Variants in SUN3 observed in about 807,000 individuals in gnomAD.
The protein encoded by SUN3 is Sad1 and UNC84 domain containing 3.
SUN3 carries 36 observed loss-of-function variants against 48.2 expected under a neutral mutation model. The observed-to-expected ratio is 0.75, with a 90% confidence interval of 0.57 to 0.99. SUN3 has a LOEUF of 0.99. SUN3 is among the 50% of genes least tolerant of loss of function. SUN3 has a pLI of 0.00. For missense variants in SUN3, 419 were observed against 433.1 expected, an observed-to-expected ratio of 0.97 and a Z score of 0.29; for synonymous variants, 148 against 147.9, an observed-to-expected ratio of 1.00 and a Z score of 0.00.
chr7:48,025,910 T>G lies in SUN3; in HGVS notation c.151A>C (p.Ser51Arg). The G allele has an allele frequency of 1.2e-6, 2 of 1,603,374 alleles. No homozygotes were observed. Among genetic ancestry groups the G allele is most frequent in the Non-Finnish European group, 8.5e-7 (1 of 1,173,128 alleles). Residue 51 changes from serine to arginine, a missense_variant, in exon 2 of 10, where the codon AGT (serine) becomes CGT (arginine). Coordinates refer to ENST00000297325, the MANE Select transcript of SUN3 (RefSeq NM_001030019.2). ...GVTRSWKIIL[S>R]TMLTLTFLLV... ...AGAAAAGTCAGTGTAAGCATTGTAC[T>G]TAGAATAATCTTCCATGATCGAGTT...
intron 2 of SUN3, among the ~76,000 whole-genome samples, chr7:48,021,768 T>C (rs1790003393): frequency 6.6e-6 from 1 of 152,116 alleles, no homozygotes; most frequent in African/African-American, 2.4e-5. Flanking sequence ...AGATAGGCAA[T>C]AACAAATGCT....
intron 8 of SUN3, chr7:47,991,010 C>T (rs532774048): frequency 1.9e-4 from 87 of 455,530 alleles, no homozygotes; most frequent in South Asian, 1.1e-3. Flanking sequence ...TACTACTTAC[C>T]GCCTGTATAA....
intron 3 of SUN3, 57 bp from the exon 4 acceptor site, chr7:48,009,132 T>G: frequency 1.5e-6 from 2 of 1,292,022 alleles, no homozygotes; most frequent in Non-Finnish European, 2.1e-6. Context: ...AAATAGAGTC[T>G]TTTTTTTTTC....
chr7:48,030,161 C>T (rs749960553), upstream of SUN3, among the ~76,000 whole-genome samples: 2 of 152,132 alleles, frequency 1.3e-5, no homozygotes, highest in Non-Finnish European at 2.9e-5. Flanking sequence ...TCAACTGCTC[C>T]TTCATATTTG....
intron 7 of SUN3, 31 bp from the exon 8 acceptor site, chr7:47,994,513 A>G (rs748874845): frequency 4.5e-6 from 7 of 1,572,890 alleles, no homozygotes; most frequent in Non-Finnish European, 4.3e-6. Flanking sequence ...TAATCTCTTA[A>G]CTAGTTATGT....
intron 6 of SUN3, among the ~76,000 whole-genome samples, chr7:48,004,193 G>A (rs1000862676): frequency 1.3e-5 from 2 of 152,090 alleles, no homozygotes; most frequent in Admixed American, 1.3e-4. Context: ...GTGTCATGAC[G>A]GGGTTGGCAT....
At chr7:48,031,863 C>CACACACACACACACAG (rs1470721515), upstream of SUN3, among the ~76,000 whole-genome samples, 1 of 151,328 alleles carries the variant, frequency 6.6e-6, no homozygotes, top group Non-Finnish European at 1.5e-5. Context: ...CACACACACA[C>CACACACACACACACAG]ACACACGGTG....
upstream of SUN3, among the ~76,000 whole-genome samples, chr7:48,030,275 G>C (rs1188136353): frequency 6.6e-6 from 1 of 152,020 alleles, no homozygotes; most frequent in African/African-American, 2.4e-5. Flanking sequence ...TTTATACCAA[G>C]AAACCCCCAA....
chr7:48,022,614 C>T (rs1429465709), intron 2 of SUN3, among the ~76,000 whole-genome samples: 1 of 151,800 alleles, frequency 6.6e-6, no homozygotes, highest in Non-Finnish European at 1.5e-5. Context: ...GAAATAATGG[C>T]TGAAAAAGTT....
At chr7:48,001,237 T>C (rs1789357993) in intron 6 of SUN3, among the ~76,000 whole-genome samples, 1 of 152,154 alleles carries the variant, frequency 6.6e-6, no homozygotes, top group Admixed American at 6.6e-5. Flanking sequence ...CTCCCTTCTC[T>C]CACCCTCCAT....
intron 3 of SUN3, among the ~76,000 whole-genome samples, chr7:48,016,018 G>C (rs1415812562): frequency 1.3e-5 from 2 of 152,170 alleles, no homozygotes; most frequent in Non-Finnish European, 2.9e-5. Flanking sequence ...GGCTCCAAGA[G>C]TCTGAACCTC....
At chr7:48,018,893 A>G (rs1042092208) in intron 2 of SUN3, among the ~76,000 whole-genome samples, 3 of 152,186 alleles carry the variant, frequency 2.0e-5, no homozygotes, top group African/African-American at 7.2e-5. Context: ...TGTTCTACAT[A>G]TGTTCAAAAA....
At chr7:48,026,952 T>C (rs1029931446) in intron 1 of SUN3, among the ~76,000 whole-genome samples, 7 of 152,196 alleles carry the variant, frequency 4.6e-5, no homozygotes, top group African/African-American at 1.7e-4. Flanking sequence ...CCCGAGCAGA[T>C]GAATATACCA....
chr7:48,023,056 C>T (rs566719218), intron 2 of SUN3, among the ~76,000 whole-genome samples: 2 of 152,214 alleles, frequency 1.3e-5, no homozygotes, highest in South Asian at 4.1e-4. Context: ...TAACTCAATG[C>T]CGCATGAAGC....
intron 3 of SUN3, among the ~76,000 whole-genome samples, chr7:48,016,484 C>G (rs1789816549): frequency 6.6e-6 from 1 of 152,140 alleles, no homozygotes; most frequent in Non-Finnish European, 1.5e-5. Flanking sequence ...TTCTGAGTTT[C>G]TGAGCATAGA....
At chr7:48,000,377 A>G (rs1789329583) in intron 6 of SUN3, among the ~76,000 whole-genome samples, 1 of 152,156 alleles carries the variant, frequency 6.6e-6, no homozygotes, top group African/African-American at 2.4e-5. Context: ...ACCTCAGGTG[A>G]TCCACCCGCC....
chr7:47,988,793 G>T lies in SUN3; in HGVS notation c.949C>A (p.Leu317Ile). 2 of 1,597,432 alleles carry T rather than the reference G, an allele frequency of 1.3e-6. No individual in the cohort carries two copies. Among genetic ancestry groups the T allele is most frequent in the East Asian group, 2.2e-5 (1 of 44,722 alleles). The change falls in exon 9 of 10, where the codon CTC (leucine) becomes ATC (isoleucine). Residue 317 changes from leucine to isoleucine, a missense_variant. Transcript: ENST00000297325. ...KTGTTVQTFELQHAVSEYLLC... is the reference protein window; with the variant it reads ...KTGTTVQTFEIQHAVSEYLLC... ...TTTCCCAGAGCATACATTACCTGGA[G>T]TTCAAATGTTTGAACGGTGGTTCCT...
chr7:48,033,561 C>CA (rs561614110), upstream of SUN3, among the ~76,000 whole-genome samples: 469 of 150,700 alleles, frequency 3.1e-3, 7 homozygotes, highest in African/African-American at 0.011. Context: ...TATCCTGTCT[C>CA]AAAAAAAATA....
intron 7 of SUN3, among the ~76,000 whole-genome samples, chr7:47,995,286 C>T (rs900699544): frequency 7.0e-6 from 1 of 141,986 alleles, no homozygotes; most frequent in Non-Finnish European, 1.5e-5. Context: ...ATGGTGGTGG[C>T]GGTGATGGTG....
Sources: allele counts gnomAD v4.1 joint callset (sites outside exome capture counted in the v4.1 genomes callset), GRCh38; gene constraint gnomAD v4.1.1; transcripts MANE v1.5; gene names NCBI Gene and HGNC (gene_info 2026-07-23, HGNC 2026-07-21).